PTPRT: variants seen among roughly 807,000 people sequenced by gnomAD.
PTPRT encodes receptor-type tyrosine-protein phosphatase T.
In PTPRT, 56 loss-of-function variants were observed where a neutral mutation model predicts 176.8. That is an observed-to-expected ratio of 0.32 (90% CI 0.26 to 0.40). The LOEUF is 0.40. Ranked by LOEUF, PTPRT falls within the 10% of genes least tolerant of loss-of-function variation. The pLI, the probability that PTPRT is intolerant of heterozygous loss-of-function variation, is 1.00. For missense variants in PTPRT, 1,540 were observed against 1,908.2 expected (o/e 0.81, Z 3.60); for synonymous variants, 783 against 739.0 (o/e 1.06, Z -0.96).
intron 9 of PTPRT, among the ~76,000 whole-genome samples, chr20:42,403,022 G>A (rs141366317): frequency 6.6e-6 from 1 of 152,066 alleles, no homozygotes; most frequent in African/African-American, 2.4e-5. Flanking sequence ...CAATACTTAC[G>A]GTAGAGAATG....
At chr20:42,446,659 G>GAAT (rs11472392) in intron 9 of PTPRT, among the ~76,000 whole-genome samples, 35,740 of 150,140 alleles carry the variant, frequency 0.24, 4,390 homozygotes, top group Middle Eastern at 0.35. Context: ...GCTTTACAAA[G>GAAT]AACATGTAGA....
chr20:42,185,632 C>T lies in PTPRT; in HGVS notation c.2491+13608G>A, dbSNP rs948406178. 4.6e-5 allele frequency among the ~76,000 whole-genome samples: 7 copies of T among 152,144 alleles called. No homozygotes were observed. In the East Asian group the frequency reaches 1.2e-3, roughly 25 times the overall value. On this transcript the variant is annotated intron_variant, in intron 16 of 30. Transcript: ENST00000373187. The stretch of plus-strand genomic sequence containing the variant: ...TTATCCACCTTTATTCAATTCTGAA[C>T]GCTGAAAACAGGACAATAGTGTGTG...
At chr20:42,629,557 T>C (rs1019073778) in intron 7 of PTPRT, among the ~76,000 whole-genome samples, 2 of 152,222 alleles carry the variant, frequency 1.3e-5, no homozygotes, top group Admixed American at 6.5e-5. Context: ...TGTTTTCTAA[T>C]GTTGCCTGGT....
chr20:42,394,855 AT>A (rs1255184334), intron 9 of PTPRT, among the ~76,000 whole-genome samples: 1 of 152,236 alleles, frequency 6.6e-6, no homozygotes, highest in African/African-American at 2.4e-5. Context: ...GATTGAGCCC[AT>A]TTTACAGAAT....
At chr20:42,994,235 C>T (rs868670489) in intron 1 of PTPRT, among the ~76,000 whole-genome samples, 5 of 152,120 alleles carry the variant, frequency 3.3e-5, no homozygotes, top group East Asian at 3.9e-4. Context: ...GACTTGTAGG[C>T]CACTTCCAAG....
Position 42,331,933 on chromosome 20 carries a change from G to A in PTPRT, c.1866-15937C>T, listed in dbSNP as rs117211366. Among the ~76,000 whole-genome samples the A allele has an allele frequency of 1.7e-3, 266 of 152,022 alleles. 1 individual carries two copies. The highest frequency in any genetic ancestry group is 3.4e-3 in the Middle Eastern group (1 of 294). ...TTCCACTTTGTTAATATTGACCCTGGAAAGGTAGGCAATACTGCTGGTGCC... is the reference window on the plus strand; with the variant it reads ...TTCCACTTTGTTAATATTGACCCTGAAAAGGTAGGCAATACTGCTGGTGCC... On this transcript the variant is annotated intron_variant, in intron 11 of 30. Transcript: ENST00000373187.
chr20:42,763,983 C>A (rs79306987), intron 5 of PTPRT, among the ~76,000 whole-genome samples: 1 of 152,082 alleles, frequency 6.6e-6, no homozygotes, highest in Non-Finnish European at 1.5e-5. Context: ...TGGTGAATAA[C>A]AAAGTTCTTT....
chr20:42,636,131 T>A (rs543246802), intron 7 of PTPRT, among the ~76,000 whole-genome samples: 2 of 152,230 alleles, frequency 1.3e-5, no homozygotes, highest in East Asian at 3.9e-4. Context: ...GGTAAAACAA[T>A]CCAGAAATCC....
chr20:43,122,325 G>T (rs2013290540), intron 1 of PTPRT, among the ~76,000 whole-genome samples: 3 of 152,040 alleles, frequency 2.0e-5, no homozygotes, highest in African/African-American at 7.3e-5. Flanking sequence ...CTCCCTCTTG[G>T]TCCTCTGTCT....
In PTPRT at chr20:42,562,319, G is replaced by T. The variant is rs542490047; in HGVS notation, c.1154-89757C>A. Reference sequence around the variant, plus strand: ...GGAGTTCATCAACATGAGTAGTTTTGCCTGTTTGTGAATGTCATATATATG... The same window carrying T: ...GGAGTTCATCAACATGAGTAGTTTTTCCTGTTTGTGAATGTCATATATATG... On this transcript the variant is annotated intron_variant, in intron 7 of 30. Coordinates refer to ENST00000373187, the MANE Select transcript of PTPRT (RefSeq NM_007050.6). 2.2e-4 allele frequency among the ~76,000 whole-genome samples: 34 copies of T among 152,256 alleles called. No individual in the cohort carries two copies. The South Asian group carries it at 6.6e-3, about 30-fold the overall frequency.
At chr20:43,134,051 G>A (rs754347674) in intron 1 of PTPRT, among the ~76,000 whole-genome samples, 4 of 152,214 alleles carry the variant, frequency 2.6e-5, no homozygotes, top group Non-Finnish European at 5.9e-5. Context: ...TCTGAGCTTC[G>A]ATTCCACGGG....
intron 9 of PTPRT, among the ~76,000 whole-genome samples, chr20:42,420,232 G>A (rs1221800507): frequency 3.9e-5 from 6 of 152,102 alleles, no homozygotes; most frequent in African/African-American, 1.4e-4. Context: ...GAGAAAAAGT[G>A]AACCATTATG....
chr20:42,323,108 C>T (rs1188520422), intron 11 of PTPRT, among the ~76,000 whole-genome samples: 2 of 152,084 alleles, frequency 1.3e-5, no homozygotes, highest in East Asian at 1.9e-4. Context: ...AGTCAGGAAA[C>T]AACAGGTGCT....
intron 17 of PTPRT, among the ~76,000 whole-genome samples, chr20:42,147,852 G>A (rs1988940595): frequency 6.6e-6 from 1 of 152,168 alleles, no homozygotes; most frequent in Non-Finnish European, 1.5e-5. Context: ...GAGCCTCTGG[G>A]AGGGAGTGGT....
intron 2 of PTPRT, among the ~76,000 whole-genome samples, chr20:42,874,302 G>A (rs1264162366): frequency 3.9e-5 from 6 of 152,030 alleles, no homozygotes; most frequent in East Asian, 1.9e-4. Flanking sequence ...AATTTACTCC[G>A]AACAACATGC....
chr20:43,087,191 G>A lies in PTPRT; in HGVS notation c.88+102455C>T, dbSNP rs1276997681. Among the ~76,000 whole-genome samples the A allele has an allele frequency of 2.6e-5, 4 of 151,960 alleles. No individual in the cohort carries two copies. In the East Asian group the frequency reaches 7.7e-4, roughly 29 times the overall value. On this transcript the variant is annotated intron_variant, in intron 1 of 30. Transcript: ENST00000373187. ...TTCTTTTCCAGAATGTCACAGAAATGGAATCATACAGTCTGTAGCTTTTGA... is the reference window on the plus strand; with the variant it reads ...TTCTTTTCCAGAATGTCACAGAAATAGAATCATACAGTCTGTAGCTTTTGA...
At chr20:42,515,242 T>C (rs2072038819) in intron 7 of PTPRT, among the ~76,000 whole-genome samples, 1 of 152,214 alleles carries the variant, frequency 6.6e-6, no homozygotes, top group African/African-American at 2.4e-5. Flanking sequence ...CCCAGCACTC[T>C]GGGAGGCCGA....
chr20:42,094,416 T>C (rs1195508811), intron 27 of PTPRT, among the ~76,000 whole-genome samples: 1 of 152,174 alleles, frequency 6.6e-6, no homozygotes, highest in East Asian at 1.9e-4. Flanking sequence ...TCATTGACAT[T>C]ATCCTTCATT....
intron 1 of PTPRT, among the ~76,000 whole-genome samples, chr20:43,055,963 C>A (rs1045646426): frequency 2.0e-5 from 3 of 152,166 alleles, no homozygotes; most frequent in Non-Finnish European, 4.4e-5. Context: ...GTGTCCGAAA[C>A]CAGTAAACTT....
Sources: gnomAD v4.1 joint callset for allele counts (sites outside exome capture counted in the v4.1 genomes callset) on GRCh38, gnomAD v4.1.1 for gene constraint, MANE v1.5 for transcripts, NCBI Gene and HGNC (gene_info 2026-07-23, HGNC 2026-07-21) for gene names.